The following LNPEP variants were observed in gnomAD, a reference collection of about 807,000 sequenced individuals.
LNPEP encodes leucyl-cystinyl aminopeptidase.
LNPEP carries 64 observed loss-of-function variants against 120.6 expected under a neutral mutation model. That is an observed-to-expected ratio of 0.53 (90% CI 0.43 to 0.65). The LOEUF (loss-of-function observed/expected upper bound fraction) is 0.65, where lower values mean the gene tolerates loss of function less well. Among genes scored for constraint, LNPEP ranks in the 30% least tolerant of loss-of-function variants. The probability of loss-of-function intolerance (pLI) is 0.00; values close to 1 mark genes in which losing one functional copy is unlikely to be tolerated. For missense variants in LNPEP, 1,057 were observed against 1,200.0 expected, an observed-to-expected ratio of 0.88 and a Z score of 1.76; for synonymous variants, 435 against 425.4, an observed-to-expected ratio of 1.02 and a Z score of -0.28.
intron 1 of LNPEP, among the ~76,000 whole-genome samples, chr5:96,940,433 C>A (rs528061481): frequency 9.3e-4 from 140 of 150,068 alleles, no homozygotes; most frequent in African/African-American, 3.3e-3. Flanking sequence ...CTGCTAGACA[C>A]AGTTACATTA....
intron 13 of LNPEP, among the ~76,000 whole-genome samples, chr5:97,016,265 C>T (rs1791067725): frequency 6.6e-6 from 1 of 152,090 alleles, no homozygotes; most frequent in Admixed American, 6.6e-5. Context: ...AAACCAGTGC[C>T]TGGAACATGA....
intron 1 of LNPEP, among the ~76,000 whole-genome samples, chr5:96,953,914 G>A (rs538890107): frequency 1.1e-4 from 16 of 152,284 alleles, no homozygotes; most frequent in East Asian, 1.9e-4. Flanking sequence ...GTTTCTAACC[G>A]GTGTTCGTCA....
chr5:97,022,636 CTTT>C (rs565546082), intron 14 of LNPEP, 152 bp downstream of exon 14: 6 of 525,704 alleles, frequency 1.1e-5, no homozygotes, highest in East Asian at 3.5e-5. Context: ...TCAAACAAGA[CTTT>C]TTTTTTTTTT....
At chr5:96,938,545 A>G (rs1001660521) in intron 1 of LNPEP, among the ~76,000 whole-genome samples, 1 of 152,196 alleles carries the variant, frequency 6.6e-6, no homozygotes, top group African/African-American at 2.4e-5. Context: ...CTAGCCTTCA[A>G]TACTCATCTA....
chr5:96,996,511 C>G lies in LNPEP; in HGVS notation c.1521+8C>G, dbSNP rs1276960783. 7.0e-7 allele frequency: 1 copy of G among 1,434,430 alleles called. No individual in the cohort carries two copies. Among genetic ancestry groups the G allele is most frequent in the South Asian group, 1.2e-5 (1 of 86,720 alleles). The allele number at this position is 1,434,430 out of a possible 1,614,324, so 88.9% of individuals were successfully genotyped here. On this transcript the variant is annotated splice_region_variant and intron_variant, in intron 7 of 17. Coordinates refer to ENST00000231368, the MANE Select transcript of LNPEP (RefSeq NM_005575.3). The stretch of plus-strand genomic sequence containing the variant: ...TTCAAAGAGCTTTCTAGTGTAAGTA[C>G]AGGGTTTCTTTGGCCTACTATGAAT...
intron 1 of LNPEP, among the ~76,000 whole-genome samples, chr5:96,945,139 G>C (rs1789156864): frequency 6.6e-6 from 1 of 152,008 alleles, no homozygotes; most frequent in South Asian, 2.1e-4. Flanking sequence ...GCTCACACCT[G>C]TAATCCTAGC....
At chr5:96,958,339 G>A in intron 1 of LNPEP, 1 of 332,690 alleles carries the variant, frequency 3.0e-6, no homozygotes, top group Non-Finnish European at 4.3e-6. Flanking sequence ...TTTTTCCAGT[G>A]ATTTCAGCTG....
chr5:97,024,790 ACAGGC>A (rs1791299886), intron 15 of LNPEP, 108 bp downstream of exon 15: 1 of 998,696 alleles, frequency 1.0e-6, no homozygotes, highest in Non-Finnish European at 1.5e-6. Flanking sequence ...CACTTCTGTT[ACAGGC>A]CAGGCCTAAG....
At chr5:96,995,619 C>G (rs758554863) in intron 6 of LNPEP, among the ~76,000 whole-genome samples, 6 of 151,966 alleles carry the variant, frequency 3.9e-5, no homozygotes, top group Admixed American at 3.3e-4. Context: ...ATTTTGAACT[C>G]TTAGGCTCAA....
At chr5:97,027,539 T>C (rs1194236140) in intron 16 of LNPEP, among the ~76,000 whole-genome samples, 194 bp from the exon 17 acceptor site, 1 of 152,202 alleles carries the variant, frequency 6.6e-6, no homozygotes, top group Non-Finnish European at 1.5e-5. Context: ...TGTTCTGAAC[T>C]CTTCCCTTTT....
intron 1 of LNPEP, among the ~76,000 whole-genome samples, chr5:96,976,018 C>T (rs1413237515): frequency 6.6e-6 from 1 of 152,018 alleles, no homozygotes; most frequent in African/African-American, 2.4e-5. Context: ...TAGAAAATTC[C>T]CTGTTTCTTT....
intron 15 of LNPEP, among the ~76,000 whole-genome samples, chr5:97,024,941 C>G (rs941882997): frequency 2.0e-5 from 3 of 152,138 alleles, no homozygotes; most frequent in Admixed American, 1.3e-4. Context: ...AAGTCTTCCT[C>G]CCCTTGGAAT....
intron 16 of LNPEP, among the ~76,000 whole-genome samples, chr5:97,027,301 C>T (rs947624745): frequency 2.0e-5 from 3 of 150,998 alleles, no homozygotes; most frequent in African/African-American, 4.9e-5. Flanking sequence ...TGCAGTGAGC[C>T]GAGATTGTGC....
intron 2 of LNPEP, among the ~76,000 whole-genome samples, chr5:96,981,793 A>C (rs978533673): frequency 1.3e-5 from 2 of 152,172 alleles, no homozygotes; most frequent in Admixed American, 1.3e-4. Flanking sequence ...TTAAATCTCA[A>C]AGTTGTTTAT....
chr5:97,006,808 G>A (rs951239493), intron 11 of LNPEP, among the ~76,000 whole-genome samples: 3 of 152,260 alleles, frequency 2.0e-5, no homozygotes, highest in Admixed American at 6.5e-5. Flanking sequence ...CAAAATAAGA[G>A]GAGTTTCTTA....
intron 8 of LNPEP, among the ~76,000 whole-genome samples, chr5:97,003,089 A>G (rs539631388): frequency 2.0e-5 from 3 of 152,222 alleles, no homozygotes. Flanking sequence ...ATGTTTTTCT[A>G]TTAAAATGTT....
At chr5:96,986,490 G>A in intron 3 of LNPEP, 49 bp from the exon 4 acceptor site, 1 of 1,545,462 alleles carries the variant, frequency 6.5e-7, no homozygotes, top group Non-Finnish European at 8.8e-7. Context: ...GTTTGTTATT[G>A]CCATTTATTC....
At chr5:97,018,103 G>C (rs1791108064) in intron 13 of LNPEP, among the ~76,000 whole-genome samples, 1 of 151,972 alleles carries the variant, frequency 6.6e-6, no homozygotes, top group African/African-American at 2.4e-5. Context: ...ATATTCATAG[G>C]TCCCAGGCAG....
intron 1 of LNPEP, among the ~76,000 whole-genome samples, chr5:96,965,395 C>T (rs1423581226): frequency 2.6e-5 from 4 of 151,942 alleles, no homozygotes; most frequent in Non-Finnish European, 5.9e-5. Flanking sequence ...AATTCTGCCT[C>T]CCAACCCCAA....
Sources: allele counts gnomAD v4.1 joint callset (sites outside exome capture counted in the v4.1 genomes callset), GRCh38; gene constraint gnomAD v4.1.1; transcripts MANE v1.5; gene names NCBI Gene and HGNC (gene_info 2026-07-23, HGNC 2026-07-21).